The following CSGALNACT1 variants were observed in gnomAD, a reference collection of about 807,000 sequenced individuals.
The protein encoded by CSGALNACT1 is chondroitin sulfate N-acetylgalactosaminyltransferase 1, also known as beta4GalNAcT-1.
In CSGALNACT1, 52 loss-of-function variants were observed where a neutral mutation model predicts 51.0. The observed-to-expected ratio is 1.02, with a 90% CI of 0.82 to 1.29. The LOEUF (loss-of-function observed/expected upper bound fraction) is 1.29. Among genes scored for constraint, CSGALNACT1 ranks in the 50% most tolerant of loss-of-function variants. The pLI is 0.00. For missense variants in CSGALNACT1, 935 were observed against 679.2 expected (o/e 1.38, Z -4.19); for synonymous variants, 341 against 254.4 (o/e 1.34, Z -3.24).
chr8:19,623,969 C>T (rs779340782), intron 1 of CSGALNACT1, among the ~76,000 whole-genome samples: 1 of 152,192 alleles, frequency 6.6e-6, no homozygotes, highest in Admixed American at 6.5e-5. Context: ...AGGCAAATGG[C>T]GAAATATTTT....
chr8:19,626,435 G>A (rs1753725682), intron 1 of CSGALNACT1, among the ~76,000 whole-genome samples: 1 of 151,960 alleles, frequency 6.6e-6, no homozygotes, highest in South Asian at 2.1e-4. Context: ...ACAAAAATTA[G>A]ATCAAAATGG....
intron 1 of CSGALNACT1, among the ~76,000 whole-genome samples, chr8:19,704,873 C>T (rs2062071043): frequency 2.0e-5 from 3 of 152,094 alleles, no homozygotes. Context: ...AATCTCATTT[C>T]AATATGGAAG....
intron 5 of CSGALNACT1, chr8:19,457,432 G>A (rs889453985): frequency 2.8e-6 from 1 of 359,300 alleles, no homozygotes; most frequent in Admixed American, 3.7e-5. Flanking sequence ...GGCCAAAATG[G>A]CGAAACCCGG....
rs59604995 is a variant in CSGALNACT1, at chr8:19,536,433, A to T, written c.-296-30303T>A. Among the ~76,000 whole-genome samples, 1,391 of 152,290 alleles carry T rather than the reference A, an allele frequency of 9.1e-3. 19 individuals are homozygous for T. Among genetic ancestry groups the T allele is most frequent in the African/African-American group, 0.031 (1,293 of 41,534 alleles). The stretch of plus-strand genomic sequence containing the variant: ...AAGAGCATTTATAATCACTAAAAAA[A>T]ATTTAAATACTTAGGTATAAATCTA... On this transcript the variant is annotated intron_variant, in intron 3 of 9. Coordinates refer to ENST00000454498, the Ensembl canonical transcript of CSGALNACT1.
intron 1 of CSGALNACT1, among the ~76,000 whole-genome samples, chr8:19,755,653 T>C (rs73667410): frequency 0.038 from 5,742 of 152,070 alleles, 332 homozygotes; most frequent in African/African-American, 0.13. Flanking sequence ...ATGCAATTAA[T>C]AAGTGGAAGA....
At chr8:19,607,229 T>C (rs1400632805), upstream of CSGALNACT1, among the ~76,000 whole-genome samples, 1 of 151,934 alleles carries the variant, frequency 6.6e-6, no homozygotes, top group African/African-American at 2.4e-5. Flanking sequence ...TGTTTTCACA[T>C]TGTCAACATG....
At chr8:19,442,868 C>T (rs193008099) in intron 5 of CSGALNACT1, among the ~76,000 whole-genome samples, 1 of 152,254 alleles carries the variant, frequency 6.6e-6, no homozygotes, top group East Asian at 1.9e-4. Flanking sequence ...AGTCATTCTC[C>T]TGTTTAGGAC....
intron 1 of CSGALNACT1, among the ~76,000 whole-genome samples, chr8:19,633,606 G>A (rs969093844): frequency 3.9e-5 from 6 of 152,342 alleles, no homozygotes; most frequent in African/African-American, 9.6e-5. Flanking sequence ...GAATCCCACC[G>A]TTGGAAGCTG....
chr8:19,407,248 C>T (rs1410293752), intron 9 of CSGALNACT1, among the ~76,000 whole-genome samples: 2 of 152,072 alleles, frequency 1.3e-5, no homozygotes, highest in African/African-American at 4.8e-5. Flanking sequence ...CCTTGTAGTT[C>T]ATGTCATCTC....
intron 1 of CSGALNACT1, among the ~76,000 whole-genome samples, chr8:19,695,526 A>G (rs1029710736): frequency 6.6e-6 from 1 of 152,192 alleles, no homozygotes; most frequent in Non-Finnish European, 1.5e-5. Context: ...AAATGCTCCA[A>G]TTGACTCCAG....
chr8:19,612,708 A>G (rs2052436698), intron 1 of CSGALNACT1, among the ~76,000 whole-genome samples: 1 of 151,930 alleles, frequency 6.6e-6, no homozygotes, highest in African/African-American at 2.4e-5. Context: ...CCAAAGTCCT[A>G]CTACATGGTG....
At chr8:19,559,307 A>G (rs951704171) in intron 3 of CSGALNACT1, among the ~76,000 whole-genome samples, 1 of 152,196 alleles carries the variant, frequency 6.6e-6, no homozygotes, top group African/African-American at 2.4e-5. Context: ...ACTCTTAGAG[A>G]AGTAAGAAGA....
chr8:19,559,666 C>A (rs140989698), intron 3 of CSGALNACT1, among the ~76,000 whole-genome samples: 82 of 151,910 alleles, frequency 5.4e-4, no homozygotes, highest in Admixed American at 1.4e-3. Context: ...AAAAGCAAAC[C>A]GAAAATGAAA....
chr8:19,701,126 A>C (rs1200403832), intron 1 of CSGALNACT1, among the ~76,000 whole-genome samples: 1 of 142,278 alleles, frequency 7.0e-6, no homozygotes, highest in East Asian at 2.1e-4. Flanking sequence ...GAAGGAGACC[A>C]AGAAAATTTC....
chr8:19,589,067 T>C (rs2047258281), intron 3 of CSGALNACT1, among the ~76,000 whole-genome samples: 2 of 152,164 alleles, frequency 1.3e-5, no homozygotes, highest in Admixed American at 6.5e-5. Flanking sequence ...ACAGCAAAGA[T>C]CGGCTGACTA....
chr8:19,702,737 T>TCGTCC (rs1173085792), intron 1 of CSGALNACT1, among the ~76,000 whole-genome samples: 1 of 152,140 alleles, frequency 6.6e-6, no homozygotes, highest in East Asian at 1.9e-4. Context: ...TCCATGTGTC[T>TCGTCC]ATACCAGACC....
At chr8:19,434,652 T>G (rs1028672349) in intron 6 of CSGALNACT1, among the ~76,000 whole-genome samples, 7 of 152,190 alleles carry the variant, frequency 4.6e-5, no homozygotes, top group African/African-American at 1.7e-4. Context: ...AGAATCACGC[T>G]TAGCAAAGCC....
intron 1 of CSGALNACT1, among the ~76,000 whole-genome samples, chr8:19,691,803 G>T (rs1043503897): frequency 1.3e-5 from 2 of 152,208 alleles, no homozygotes; most frequent in African/African-American, 4.8e-5. Context: ...CTCCAAGTGT[G>T]TCGCTGGGCT....
At chr8:19,636,996 C>T (rs1312251676) in intron 1 of CSGALNACT1, among the ~76,000 whole-genome samples, 2 of 151,694 alleles carry the variant, frequency 1.3e-5, no homozygotes, top group East Asian at 3.9e-4. Flanking sequence ...TCGAGATCAG[C>T]CTGGCCAACA....
Sources: gnomAD v4.1 joint callset for allele counts (sites outside exome capture counted in the v4.1 genomes callset) on GRCh38, gnomAD v4.1.1 for gene constraint, MANE v1.5 for transcripts, NCBI Gene and HGNC (gene_info 2026-07-23, HGNC 2026-07-21) for gene names.